USP42: variants seen among roughly 807,000 people sequenced by gnomAD.
USP42 encodes the protein ubiquitin carboxyl-terminal hydrolase 42.
A neutral mutation model predicts 113.0 loss-of-function variants in USP42; 23 were observed. The ratio of observed to expected loss-of-function variants is 0.20; its 90% CI spans 0.15 to 0.29. The LOEUF is 0.29. USP42 is among the 10% of genes least tolerant of loss of function. USP42 has a pLI of 1.00. For synonymous variants in USP42, 933 were observed against 699.0 expected (o/e 1.33, Z -5.28); for missense variants, 2,174 against 1,779.8 (o/e 1.22, Z -3.99).
rs935113331 is a variant in USP42, at chr7:6,158,350, A to G, written c.3944-1100A>G. 6.6e-6 allele frequency among the ~76,000 whole-genome samples: 1 copy of G among 152,062 alleles called. No homozygotes were observed. Among genetic ancestry groups the G allele is most frequent in the African/African-American group, 2.4e-5 (1 of 41,372 alleles). The stretch of plus-strand genomic sequence containing the variant: ...GTTTGTCACCCCTGCCTGGACGCCC[A>G]TTGTTTGTGTTCACGTGTGAAGCGC... On this transcript the variant is annotated intron_variant, in intron 16 of 17. Coordinates refer to ENST00000306177, the MANE Select transcript of USP42 (RefSeq NM_032172.3). This position sits in a 1 kb window ranked among gnomAD's most constrained non-coding sequence, Gnocchi z 4.2.
In USP42 at chr7:6,156,910, T is replaced by G. The variant is rs1321809104; in HGVS notation, c.3798T>G (p.Thr1266=). ...LHLPRVTSLE[T]VAQFRRAQGG... is the part of the protein sequence containing the mutation. ...TACCCAGGGTCACCAGCTTGGAGAC[T>G]GTCGCCCAGTTCCGGAGAGCCCAGG... Residue 1266 remains threonine, a synonymous_variant, in exon 16 of 18, where the codon ACT becomes ACG. Transcript: ENST00000306177. 1 of 1,613,974 alleles carries G rather than the reference T, an allele frequency of 6.2e-7. No homozygotes were observed. The highest frequency in any genetic ancestry group is 8.5e-7 in the Non-Finnish European group (1 of 1,179,864).
chr7:6,146,372 A>G (rs939849577), intron 11 of USP42, 124 bp downstream of exon 11: 2 of 684,816 alleles, frequency 2.9e-6, no homozygotes, highest in Non-Finnish European at 4.7e-6. Flanking sequence ...TTAAAGATCA[A>G]CTCTAGCCTG....
upstream of USP42, among the ~76,000 whole-genome samples, chr7:6,103,396 C>A (rs769986959): frequency 6.0e-5 from 9 of 150,092 alleles, no homozygotes; most frequent in Non-Finnish European, 4.4e-5. Context: ...ATTAGCCGGG[C>A]GTGGTGGCGG....
At chr7:6,131,996 G>A (rs1171874407) in intron 3 of USP42, among the ~76,000 whole-genome samples, 1 of 152,172 alleles carries the variant, frequency 6.6e-6, no homozygotes, top group Non-Finnish European at 1.5e-5. Flanking sequence ...GCAGTGGTGT[G>A]ATTATAGCTC....
rs1295373749 is a variant in USP42, at chr7:6,157,288, C to T, written c.3943+233C>T. The T allele has an allele frequency of 2.3e-5, 28 of 1,235,894 alleles. No homozygotes were observed. Among genetic ancestry groups the T allele is most frequent in the East Asian group, 3.8e-5 (1 of 26,590 alleles). The allele number at this position is 1,235,894 out of a possible 1,614,324, so 76.6% of individuals were successfully genotyped here. A position where few individuals can be genotyped will look rare whatever the true frequency, so the allele number is the denominator to read the frequency against. ...GGCCTAAGTGACACAGGACTGAGGG[C>T]AGCACTACCTGTGTCACCAAAGCCC... On this transcript the variant is annotated intron_variant, in intron 16 of 17. Transcript: ENST00000306177. The surrounding 1 kb of genome is among the most constrained non-coding windows in gnomAD (Gnocchi z 4.1).
At chr7:6,133,210 G>C (rs1411955627) in intron 3 of USP42, among the ~76,000 whole-genome samples, 1 of 152,150 alleles carries the variant, frequency 6.6e-6, no homozygotes, top group East Asian at 1.9e-4. Context: ...AGCTCAGTCA[G>C]GGTACGAAAC....
At chr7:6,146,969 C>G (rs1029069808) in intron 11 of USP42, among the ~76,000 whole-genome samples, 6 of 152,254 alleles carry the variant, frequency 3.9e-5, no homozygotes, top group African/African-American at 1.4e-4. Flanking sequence ...GGCCAGCACC[C>G]GCACCCAGCT....
At chr7:6,096,529 C>G in the USP42 span, among the ~76,000 whole-genome samples, 1 of 151,264 alleles carries the variant, frequency 6.6e-6, no homozygotes, top group African/African-American at 2.5e-5. Context: ...AGAGTTCACT[C>G]AGGTTCATCT....
chr7:6,111,103 A>G (rs1353132938), intron 1 of USP42, 22 bp from the exon 2 acceptor site: 1 of 1,598,160 alleles, frequency 6.3e-7, no homozygotes, highest in Middle Eastern at 1.7e-4. Context: ...TGAAACAAAT[A>G]CATACTTTTC....
the USP42 span, among the ~76,000 whole-genome samples, chr7:6,092,263 C>T: frequency 6.1e-5 from 9 of 147,224 alleles, no homozygotes; most frequent in East Asian, 3.9e-4. Flanking sequence ...CTGCAACCTC[C>T]GCCTCCTGGG....
intron 15 of USP42, among the ~76,000 whole-genome samples, 195 bp from the exon 16 acceptor site, chr7:6,156,559 C>T (rs1465584104): frequency 6.6e-6 from 1 of 152,144 alleles, no homozygotes; most frequent in African/African-American, 2.4e-5. Flanking sequence ...AAGTGATCCT[C>T]CTGCTTCAGC....
At chr7:6,118,595 T>C (rs1003162706) in intron 3 of USP42, among the ~76,000 whole-genome samples, 1 of 152,192 alleles carries the variant, frequency 6.6e-6, no homozygotes, top group Non-Finnish European at 1.5e-5. Flanking sequence ...CTATACTTTC[T>C]TCTAGAAGTC....
chr7:6,097,596 CTT>C, the USP42 span, among the ~76,000 whole-genome samples: 1 of 143,296 alleles, frequency 7.0e-6, no homozygotes. Context: ...TTTTTCTTTT[CTT>C]TTTTTTTTTC....
rs1226648863 is a variant in USP42 at position 6,105,182 on chromosome 7, A to C, written c.-10+150A>C. 4 of 142,716 alleles carry C rather than the reference A, an allele frequency of 2.8e-5. No homozygotes were observed. The East Asian group carries it at 6.2e-4, about 22-fold the overall frequency. The allele number at this position is 142,716 out of a possible 1,614,324, so 8.8% of individuals were successfully genotyped here. A position where few individuals can be genotyped will look rare whatever the true frequency, so the allele number is the denominator to read the frequency against. On this transcript the variant is annotated intron_variant, in intron 1 of 17. Coordinates refer to ENST00000306177, the MANE Select transcript of USP42 (RefSeq NM_032172.3). ...GCCCCTCGCCCGCCTCCCCCTACAC[A>C]GCCGCGGGCCGCCCGGGACCCCGCC...
chr7:6,160,043 C>T (rs1269975821), intron 17 of USP42, among the ~76,000 whole-genome samples: 2 of 152,240 alleles, frequency 1.3e-5, no homozygotes, highest in Non-Finnish European at 2.9e-5. Flanking sequence ...TTTGTTGGAT[C>T]ACTTCACACA....
chr7:6,103,479 T>C (rs1044057373), upstream of USP42, among the ~76,000 whole-genome samples: 25 of 148,590 alleles, frequency 1.7e-4, 1 homozygote, highest in African/African-American at 6.2e-4. Flanking sequence ...ATGACACCAT[T>C]GCACTCCAGC....
chr7:6,120,864 G>C (rs1780189897), intron 3 of USP42, among the ~76,000 whole-genome samples: 1 of 152,166 alleles, frequency 6.6e-6, no homozygotes, highest in Non-Finnish European at 1.5e-5. Flanking sequence ...GATTACAGGG[G>C]TGAGCCACTG....
intron 3 of USP42, chr7:6,116,843 A>G (rs1779939101): frequency 3.8e-6 from 2 of 533,032 alleles, no homozygotes; most frequent in Non-Finnish European, 3.8e-6. Context: ...TTTGCGCTTA[A>G]TGAAAGTAGG....
At chr7:6,153,042 G>C (rs562969660) in intron 14 of USP42, 4 of 792,612 alleles carry the variant, frequency 5.0e-6, no homozygotes, top group Non-Finnish European at 6.1e-6. Flanking sequence ...AGGCTGAGGC[G>C]GGCGGATCAC....
Sources: gnomAD v4.1 joint callset for allele counts (sites outside exome capture counted in the v4.1 genomes callset) on GRCh38, gnomAD v4.1.1 for gene constraint, Gnocchi (gnomAD v3.1) non-coding constraint, MANE v1.5 for transcripts, NCBI Gene and HGNC (gene_info 2026-07-23, HGNC 2026-07-21) for gene names.